The following PHLPP1 variants were observed in gnomAD, a reference collection of about 807,000 sequenced individuals.
The protein encoded by PHLPP1 is PH domain leucine-rich repeat-containing protein phosphatase 1.
A neutral mutation model predicts 117.2 loss-of-function variants in PHLPP1; 42 were observed. The observed-to-expected ratio is 0.36, with a 90% confidence interval of 0.28 to 0.46. PHLPP1 has a LOEUF of 0.46. PHLPP1 is among the 20% of genes least tolerant of loss of function. PHLPP1 has a pLI of 1.00. For synonymous variants in PHLPP1, 1,042 were observed against 970.7 expected (o/e 1.07, Z -1.37); for missense variants, 2,084 against 2,241.9 (o/e 0.93, Z 1.42).
At chr18:62,919,861 T>C in intron 9 of PHLPP1, 98 bp from the exon 10 acceptor site, 1 of 784,808 alleles carries the variant, frequency 1.3e-6, no homozygotes, top group Non-Finnish European at 2.1e-6. Context: ...TAAAATGAAT[T>C]TGTAGTTGCT....
chr18:62,937,690 C>T (rs1053393521), intron 10 of PHLPP1, among the ~76,000 whole-genome samples: 1 of 152,094 alleles, frequency 6.6e-6, no homozygotes, highest in Non-Finnish European at 1.5e-5. Context: ...GAGGTTATAT[C>T]TCTGGGGTGA....
intron 1 of PHLPP1, among the ~76,000 whole-genome samples, chr18:62,768,740 G>C (rs1223601990): frequency 6.6e-6 from 1 of 152,154 alleles, no homozygotes; most frequent in Non-Finnish European, 1.5e-5. Context: ...CATTATGTAG[G>C]TGGGGAGGAG....
intron 3 of PHLPP1, 156 bp downstream of exon 3, chr18:62,839,065 C>CT: frequency 1.5e-6 from 1 of 689,586 alleles, no homozygotes; most frequent in Non-Finnish European, 2.3e-6. Flanking sequence ...TTTTTAAAAA[C>CT]TAATTTTGCC....
At chr18:62,765,831 T>G (rs972370351) in intron 1 of PHLPP1, among the ~76,000 whole-genome samples, 71 of 151,280 alleles carry the variant, frequency 4.7e-4, no homozygotes, top group Middle Eastern at 3.4e-3. Context: ...CCGTCTGTAC[T>G]AAAATTACAA....
intron 1 of PHLPP1, among the ~76,000 whole-genome samples, chr18:62,796,757 T>C (rs768402681): frequency 6.6e-6 from 1 of 152,242 alleles, no homozygotes; most frequent in Admixed American, 6.5e-5. Flanking sequence ...GCATGATTAT[T>C]CTTTCTGGAA....
intron 1 of PHLPP1, among the ~76,000 whole-genome samples, chr18:62,727,234 A>T (rs1279552859): frequency 6.6e-6 from 1 of 151,398 alleles, no homozygotes; most frequent in African/African-American, 2.4e-5. Flanking sequence ...TCTCAAAAAA[A>T]AAAAAAAAAA....
At chr18:62,783,588 G>A (rs965800011) in intron 1 of PHLPP1, among the ~76,000 whole-genome samples, 7 of 152,122 alleles carry the variant, frequency 4.6e-5, no homozygotes, top group African/African-American at 1.7e-4. Context: ...CTATTGTGCA[G>A]CACTCATGAA....
At chr18:62,891,726 C>CA (rs140328581) in intron 4 of PHLPP1, among the ~76,000 whole-genome samples, 83,590 of 122,948 alleles carry the variant, frequency 0.68, 27,365 homozygotes, top group Middle Eastern at 0.73. Flanking sequence ...TTCGTCTCTA[C>CA]AAAAAAAAAA....
chr18:62,971,612 C>T (rs1275599173), intron 14 of PHLPP1, among the ~76,000 whole-genome samples: 1 of 152,168 alleles, frequency 6.6e-6, no homozygotes, highest in East Asian at 1.9e-4. Flanking sequence ...CTGGGTCTTC[C>T]TCCCTGTGCT....
At chr18:62,947,902 T>G (rs1413634314) in intron 12 of PHLPP1, among the ~76,000 whole-genome samples, 1 of 152,084 alleles carries the variant, frequency 6.6e-6, no homozygotes, top group Non-Finnish European at 1.5e-5. Flanking sequence ...GGTTGGCACC[T>G]GTAATCCCAG....
At chr18:62,958,544 T>C (rs1769599698) in intron 12 of PHLPP1, 85 bp from the exon 13 acceptor site, 6 of 1,325,592 alleles carry the variant, frequency 4.5e-6, no homozygotes, top group Non-Finnish European at 6.4e-6. Flanking sequence ...TCAGACTGAT[T>C]TGCATGCAAA....
chr18:62,765,915 G>A (rs1215553467), intron 1 of PHLPP1, among the ~76,000 whole-genome samples: 14 of 150,178 alleles, frequency 9.3e-5, no homozygotes, highest in Middle Eastern at 3.2e-3. Flanking sequence ...GGAGAATGGC[G>A]TGAACCTGGG....
intron 10 of PHLPP1, among the ~76,000 whole-genome samples, chr18:62,932,574 T>C (rs1301846050): frequency 6.6e-6 from 1 of 152,158 alleles, no homozygotes; most frequent in East Asian, 1.9e-4. Context: ...TATCCCAACA[T>C]GATAAAAACT....
intron 6 of PHLPP1, among the ~76,000 whole-genome samples, chr18:62,901,394 A>G (rs1916722057): frequency 6.6e-6 from 1 of 152,186 alleles, no homozygotes; most frequent in Non-Finnish European, 1.5e-5. Flanking sequence ...AAAAAAAGAG[A>G]AAGAGCCAAA....
At chr18:62,936,129 A>G (rs1434531706) in intron 10 of PHLPP1, among the ~76,000 whole-genome samples, 2 of 152,184 alleles carry the variant, frequency 1.3e-5, no homozygotes, top group Non-Finnish European at 2.9e-5. Flanking sequence ...AGATGAGCCC[A>G]AAAGTAAAGA....
In PHLPP1 at chr18:62,972,761, G is replaced by A. The variant is rs1911090841; in HGVS notation, c.3755+53G>A. 1.9e-5 allele frequency: 25 copies of A among 1,346,072 alleles called. No homozygotes were observed. The South Asian group carries it at 3.0e-4, about 16-fold the overall frequency. 83.4% of individuals were successfully genotyped at this position (1,346,072 alleles called of 1,614,324 possible). ...CTGTGTGTTTTCTTGCTCTTTGAGT[G>A]TTTATCCTCTGTTTAGAAAAGCAGG... On this transcript the variant is annotated intron_variant, in intron 15 of 16. Transcript: ENST00000262719.
intron 1 of PHLPP1, among the ~76,000 whole-genome samples, chr18:62,787,316 G>A (rs1332803448): frequency 1.3e-5 from 2 of 152,078 alleles, no homozygotes; most frequent in East Asian, 1.9e-4. Context: ...ACAGGCACGT[G>A]CCGCTACTGC....
chr18:62,921,726 C>T (rs1328289021), intron 10 of PHLPP1, among the ~76,000 whole-genome samples: 1 of 152,080 alleles, frequency 6.6e-6, no homozygotes, highest in Non-Finnish European at 1.5e-5. Flanking sequence ...TCATCTTTTC[C>T]ATAAATCTTT....
intron 4 of PHLPP1, among the ~76,000 whole-genome samples, chr18:62,884,207 T>C (rs1378568331): frequency 2.0e-5 from 3 of 152,170 alleles, no homozygotes; most frequent in Non-Finnish European, 4.4e-5. Flanking sequence ...AGAAAAAATA[T>C]ATGTGGTATA....
Sources: gnomAD v4.1 joint callset for allele counts (sites outside exome capture counted in the v4.1 genomes callset) on GRCh38, gnomAD v4.1.1 for gene constraint, MANE v1.5 for transcripts, NCBI Gene and HGNC (gene_info 2026-07-23, HGNC 2026-07-21) for gene names.